KCNIP4: variants seen among roughly 807,000 people sequenced by gnomAD.
KCNIP4 encodes the protein Kv channel-interacting protein 4.
In KCNIP4, 12 loss-of-function variants were observed where a neutral mutation model predicts 34.0. The observed-to-expected ratio is 0.35, with a 90% confidence interval of 0.23 to 0.57. KCNIP4 has a LOEUF of 0.57. KCNIP4 is among the 20% of genes least tolerant of loss of function. The pLI is 0.83. For synonymous variants in KCNIP4, 124 were observed against 102.2 expected (o/e 1.21, Z -1.29); for missense variants, 238 against 311.7 (o/e 0.76, Z 1.78).
intron 5 of KCNIP4, among the ~76,000 whole-genome samples, chr4:20,746,719 C>T (rs1752496864): frequency 6.6e-6 from 1 of 152,128 alleles, no homozygotes; most frequent in Non-Finnish European, 1.5e-5. Context: ...AAGTACTCAG[C>T]CTAGGGTCTC....
At chr4:21,432,312 G>C (rs1327963763) in intron 1 of KCNIP4, among the ~76,000 whole-genome samples, 1 of 151,164 alleles carries the variant, frequency 6.6e-6, no homozygotes, top group East Asian at 2.0e-4. Flanking sequence ...TTTCTCCCAA[G>C]AGCCCGATAA....
chr4:21,311,261 TAAG>T (rs921151583), intron 1 of KCNIP4, among the ~76,000 whole-genome samples: 2 of 152,168 alleles, frequency 1.3e-5, no homozygotes, highest in Non-Finnish European at 2.9e-5. Context: ...ACTATATGGA[TAAG>T]AAGGACTAGG....
At chr4:21,716,508 T>C (rs1714394063) in intron 1 of KCNIP4, among the ~76,000 whole-genome samples, 1 of 151,962 alleles carries the variant, frequency 6.6e-6, no homozygotes, top group Non-Finnish European at 1.5e-5. Context: ...AAGTGCTGGA[T>C]TACAGGTGGG....
chr4:21,556,543 T>C (rs1459152371), intron 1 of KCNIP4, among the ~76,000 whole-genome samples: 2 of 152,144 alleles, frequency 1.3e-5, no homozygotes, highest in African/African-American at 2.4e-5. Context: ...TTGGCCATTA[T>C]TGCTTCCTCA....
intron 1 of KCNIP4, among the ~76,000 whole-genome samples, chr4:21,042,990 G>C (rs1205209875): frequency 6.6e-6 from 1 of 152,190 alleles, no homozygotes; most frequent in Non-Finnish European, 1.5e-5. Context: ...AGAATTTACT[G>C]TCTAGTCAAA....
intron 2 of KCNIP4, among the ~76,000 whole-genome samples, chr4:20,869,010 A>ATACAT (rs1723148452): frequency 1.3e-5 from 2 of 152,112 alleles, no homozygotes; most frequent in African/African-American, 4.8e-5. Flanking sequence ...AGAGATAGAC[A>ATACAT]TACAGGTAAT....
chr4:21,056,897 C>T (rs10014271), intron 1 of KCNIP4, among the ~76,000 whole-genome samples: 3,418 of 152,180 alleles, frequency 0.022, 121 homozygotes, highest in African/African-American at 0.077. Context: ...GATTAGCTCC[C>T]TTATGAGAAG....
intron 2 of KCNIP4, among the ~76,000 whole-genome samples, chr4:20,872,361 G>A (rs1046414514): frequency 6.6e-6 from 1 of 151,960 alleles, no homozygotes; most frequent in Non-Finnish European, 1.5e-5. Flanking sequence ...AATAAAGATG[G>A]ACCAATATTA....
intron 1 of KCNIP4, among the ~76,000 whole-genome samples, chr4:21,258,857 G>A (rs1449972527): frequency 2.0e-5 from 3 of 152,012 alleles, no homozygotes; most frequent in African/African-American, 7.3e-5. Context: ...GCTTAGCTTA[G>A]ACACAGATTT....
chr4:21,510,464 C>CA (rs566023476), intron 1 of KCNIP4, among the ~76,000 whole-genome samples: 204 of 150,934 alleles, frequency 1.4e-3, no homozygotes, highest in African/African-American at 4.6e-3. Context: ...TACTCTTGAA[C>CA]AAAAAAAATC....
At chr4:21,347,666 A>G (rs188610559) in intron 1 of KCNIP4, among the ~76,000 whole-genome samples, 12 of 152,300 alleles carry the variant, frequency 7.9e-5, no homozygotes, top group African/African-American at 2.6e-4. Context: ...TATTTAAGTA[A>G]GATGTTACAT....
At chr4:20,993,869 T>C (rs1737304608) in intron 1 of KCNIP4, among the ~76,000 whole-genome samples, 1 of 152,196 alleles carries the variant, frequency 6.6e-6, no homozygotes, top group African/African-American at 2.4e-5. Context: ...CACGTTCCTA[T>C]TGGAGGATCT....
chr4:21,248,739 C>T (rs567758093), intron 1 of KCNIP4, among the ~76,000 whole-genome samples: 11 of 152,134 alleles, frequency 7.2e-5, no homozygotes, highest in Non-Finnish European at 1.5e-4. Context: ...GGGACCAGAG[C>T]AGTATAAGGG....
rs535514590 is a variant in KCNIP4 at position 20,947,876 on chromosome 4, T to C, written c.62-65167A>G. Among the ~76,000 whole-genome samples, 3 of 152,356 alleles carry C rather than the reference T, an allele frequency of 2.0e-5. No individual in the cohort carries two copies. In the South Asian group the frequency reaches 6.2e-4, roughly 32 times the overall value. On this transcript the variant is annotated intron_variant, in intron 1 of 8. Coordinates refer to ENST00000382152, the MANE Select transcript of KCNIP4 (RefSeq NM_025221.6). Reference sequence around the variant, plus strand: ...TGCATGTGACCCTAAGAGGACCAGCTTGGTGGGAAATGTTCTCAGTAAACT... The same window carrying C: ...TGCATGTGACCCTAAGAGGACCAGCCTGGTGGGAAATGTTCTCAGTAAACT...
At chr4:21,763,359 A>G (rs1044253823) in intron 1 of KCNIP4, among the ~76,000 whole-genome samples, 2 of 152,202 alleles carry the variant, frequency 1.3e-5, no homozygotes, top group African/African-American at 4.8e-5. Context: ...AGTTATAACT[A>G]ACAAATACAC....
intron 1 of KCNIP4, among the ~76,000 whole-genome samples, chr4:21,344,888 G>T (rs1425675605): frequency 1.3e-5 from 2 of 152,186 alleles, no homozygotes; most frequent in Admixed American, 6.6e-5. Flanking sequence ...CATACACAGA[G>T]GCATAGATAC....
intron 1 of KCNIP4, among the ~76,000 whole-genome samples, chr4:21,888,471 A>G (rs1474965219): frequency 2.0e-5 from 3 of 152,130 alleles, no homozygotes; most frequent in African/African-American, 4.8e-5. Context: ...TTTCCATAAT[A>G]ATGTTGCACC....
chr4:21,172,730 G>A (rs7678452), intron 1 of KCNIP4, among the ~76,000 whole-genome samples: 2,330 of 152,216 alleles, frequency 0.015, 61 homozygotes, highest in African/African-American at 0.053. Context: ...TCCAAGTATT[G>A]GATTCGGTGG....
chr4:20,817,817 C>T (rs1716605167), intron 3 of KCNIP4, among the ~76,000 whole-genome samples: 1 of 151,802 alleles, frequency 6.6e-6, no homozygotes, highest in Non-Finnish European at 1.5e-5. Context: ...CAGATATTTT[C>T]TTTGAAAAGT....
Sources: allele counts gnomAD v4.1 joint callset (sites outside exome capture counted in the v4.1 genomes callset), GRCh38; gene constraint gnomAD v4.1.1; transcripts MANE v1.5; gene names NCBI Gene and HGNC (gene_info 2026-07-23, HGNC 2026-07-21).